Variants in FGFR1 observed in about 807,000 individuals in gnomAD.
The protein encoded by FGFR1 is fibroblast growth factor receptor 1.
A neutral mutation model predicts 93.7 loss-of-function variants in FGFR1; 18 were observed. That is an observed-to-expected ratio of 0.19 (90% CI 0.13 to 0.28). The LOEUF is 0.28. Among genes scored for constraint, FGFR1 ranks in the 10% least tolerant of loss-of-function variants. The pLI, the probability that FGFR1 is intolerant of heterozygous loss-of-function variation, is 1.00. For missense variants in FGFR1, 731 were observed against 1,080.4 expected, an observed-to-expected ratio of 0.68 and a Z score of 4.53; for synonymous variants, 448 against 429.3, an observed-to-expected ratio of 1.04 and a Z score of -0.54.
At position 38,419,746 on chromosome 8, in the gene FGFR1, G is replaced by A. The variant is rs1377647591; in HGVS notation, c.1082-11C>T. On this transcript the variant is annotated splice_polypyrimidine_tract_variant and intron_variant, in intron 8 of 17. Coordinates refer to ENST00000447712, the MANE Select transcript of FGFR1 (RefSeq NM_023110.3). The stretch of plus-strand genomic sequence containing the variant: ...GCCTCTCTTCCAGGGCTGAGTCAGT[G>A]CGAACAGGGTGTTAGCAGGCTTGGA... The A allele has an allele frequency of 1.2e-6, 2 of 1,613,492 alleles. No homozygotes were observed. Among genetic ancestry groups the A allele is most frequent in the Admixed American group, 1.7e-5 (1 of 59,986 alleles).
Position 38,428,392 on chromosome 8 carries a change from G to A in FGFR1, c.402C>T (p.Ser134=), listed in dbSNP as rs1270882684. 20 of 1,614,050 alleles carry A rather than the reference G, an allele frequency of 1.2e-5. No homozygotes were observed. The highest frequency in any genetic ancestry group is 1.7e-5 in the Non-Finnish European group (20 of 1,180,020). The change falls in exon 4 of 18, where the codon TCC becomes TCT. Residue 134 remains serine (S), a synonymous_variant. Transcript: ENST00000447712. ...SSEDDDDDDD[S]SSEEKETDNT... is the part of the protein sequence containing the mutation. ...TATCTGTTTCTTTCTCCTCTGAAGA[G>A]GAGTCATCATCATCATCATCATCCT...
chr8:38,434,562 A>G, intron 2 of FGFR1: 1 of 285,978 alleles, frequency 3.5e-6, no homozygotes, highest in Non-Finnish European at 7.0e-6. Context: ...AGTGATTCTC[A>G]AAGTCTTGGC....
At position 38,424,057 on chromosome 8, in the gene FGFR1, A is replaced by C. The variant is rs1352305022; in HGVS notation, c.936+452T>G. On this transcript the variant is annotated intron_variant, in intron 7 of 17. Transcript: ENST00000447712. This position sits in a 1 kb window ranked among gnomAD's most constrained non-coding sequence, Gnocchi z 4.3. Reference sequence around the variant, plus strand: ...CGTCCTCATATGGCTTAGAATTTATATATGGCATTTGTTTTTCCAACTCTT... The same window carrying C: ...CGTCCTCATATGGCTTAGAATTTATCTATGGCATTTGTTTTTCCAACTCTT... 8 of 286,246 alleles carry C rather than the reference A, an allele frequency of 2.8e-5. No homozygotes were observed. The highest frequency in any genetic ancestry group is 1.4e-4 in the Admixed American group (3 of 22,088). 17.7% of individuals were successfully genotyped at this position (286,246 alleles called of 1,614,324 possible). A position where few individuals can be genotyped will look rare whatever the true frequency, so the allele number is the denominator to read the frequency against.
chr8:38,457,043 T>G (rs186593284), intron 2 of FGFR1, among the ~76,000 whole-genome samples: 27 of 152,332 alleles, frequency 1.8e-4, no homozygotes, highest in Admixed American at 1.8e-3. Flanking sequence ...AGTGTGACAC[T>G]AGGGTCCTCA....
rs540641724 is a variant in FGFR1 at position 38,429,239 on chromosome 8, C to A, written c.358+443G>T. On this transcript the variant is annotated intron_variant, in intron 3 of 17. Coordinates refer to ENST00000447712, the MANE Select transcript of FGFR1 (RefSeq NM_023110.3). The surrounding 1 kb of genome is among the most constrained non-coding windows in gnomAD (Gnocchi z 4.4). ...TGGCTGCCCTCGCACAGCTCCCTTG[C>A]GGTGCACCTGGGTTCCTCTCCAGCA... 4.2e-6 allele frequency: 2 copies of A among 473,784 alleles called. No individual in the cohort carries two copies. Among genetic ancestry groups the A allele is most frequent in the South Asian group, 1.5e-5 (1 of 65,082 alleles). 29.3% of individuals were successfully genotyped at this position (473,784 alleles called of 1,614,324 possible). A position where few individuals can be genotyped will look rare whatever the true frequency, so the allele number is the denominator to read the frequency against.
chr8:38,435,665 A>G (rs1416261964), intron 2 of FGFR1: 1 of 152,220 alleles, frequency 6.6e-6, no homozygotes, highest in Non-Finnish European at 1.5e-5. Context: ...CTCATTAGAA[A>G]GGTCCTTGCC....
intron 2 of FGFR1, among the ~76,000 whole-genome samples, chr8:38,438,996 G>A (rs2151087718): frequency 6.6e-6 from 1 of 152,268 alleles, no homozygotes; most frequent in Non-Finnish European, 1.5e-5. Context: ...CTGTCCAAAT[G>A]TGGCAGGTGA....
chr8:38,414,746 C>T lies in FGFR1; in HGVS notation c.1977+33G>A, dbSNP rs771342533. ...CCCACTCCTTGCTTCTCAGATGAAA[C>T]CACCAGCACAGGGCGGCCTTGTCGG... On this transcript the variant is annotated intron_variant, in intron 14 of 17. Coordinates refer to ENST00000447712, the MANE Select transcript of FGFR1 (RefSeq NM_023110.3). The T allele has an allele frequency of 4.3e-6, 7 of 1,613,804 alleles. No individual in the cohort carries two copies. In the East Asian group the frequency reaches 1.3e-4, roughly 31 times the overall value.
At chr8:38,415,626 G>A (rs1318869055) in intron 13 of FGFR1, among the ~76,000 whole-genome samples, 1 of 152,060 alleles carries the variant, frequency 6.6e-6, no homozygotes, top group Admixed American at 6.6e-5. Context: ...AGCTGCCTGA[G>A]GCTACGCAGA....
chr8:38,423,273 AG>A, intron 7 of FGFR1: 1 of 691,772 alleles, frequency 1.4e-6, no homozygotes, highest in South Asian at 1.5e-5. Context: ...CAGGGAGCGA[AG>A]GGAGATGTTA....
chr8:38,464,555 G>A (rs986387801), intron 1 of FGFR1, among the ~76,000 whole-genome samples: 99 of 152,192 alleles, frequency 6.5e-4, no homozygotes, highest in African/African-American at 2.3e-3. Context: ...GCAACCTTAG[G>A]AGGAAAAACA....
intron 2 of FGFR1, among the ~76,000 whole-genome samples, chr8:38,445,006 C>G (rs1174733312): frequency 1.3e-5 from 2 of 152,128 alleles, no homozygotes; most frequent in Non-Finnish European, 2.9e-5. Flanking sequence ...TGACCTCAGG[C>G]AAGTCACCTC....
intron 9 of FGFR1, 33 bp from the exon 10 acceptor site, chr8:38,418,406 G>T: frequency 6.2e-7 from 1 of 1,607,372 alleles, no homozygotes. Flanking sequence ...CCTAGAGCAA[G>T]GAGGGGGGAC....
At chr8:38,422,475 T>C (rs1357140590) in intron 7 of FGFR1, among the ~76,000 whole-genome samples, 4 of 152,128 alleles carry the variant, frequency 2.6e-5, no homozygotes. Flanking sequence ...GGCATAAACA[T>C]AGCTCACTGC....
chr8:38,421,211 C>T lies in FGFR1; in HGVS notation c.1081+586G>A, dbSNP rs17182373. On this transcript the variant is annotated intron_variant, in intron 8 of 17. Transcript: ENST00000447712. ...ACCTCCCCTCTTGGGAGAGGAGAGA[C>T]GGCAGCAGGCAAACAGGATACATGG... is the stretch of plus-strand genomic sequence containing the variant. Among the ~76,000 whole-genome samples the T allele has an allele frequency of 4.2e-3, 639 of 152,272 alleles. 31 individuals are homozygous for T. In the East Asian group the frequency reaches 0.1, roughly 24 times the overall value.
At chr8:38,428,301 A>G in intron 4 of FGFR1, 45 bp downstream of exon 4, 1 of 1,595,736 alleles carries the variant, frequency 6.3e-7, no homozygotes, top group Non-Finnish European at 8.6e-7. Context: ...TCTTAAACCC[A>G]ATGCCCAGAC....
chr8:38,449,117 C>A (rs1830288950), intron 2 of FGFR1, among the ~76,000 whole-genome samples: 1 of 150,934 alleles, frequency 6.6e-6, no homozygotes, highest in South Asian at 2.1e-4. Flanking sequence ...AAAAAAAAAA[C>A]ACAGAAAAAA....
At chr8:38,460,301 C>T (rs940926296) in intron 1 of FGFR1, among the ~76,000 whole-genome samples, 1 of 152,206 alleles carries the variant, frequency 6.6e-6, no homozygotes, top group Non-Finnish European at 1.5e-5. Context: ...GAGGATGCCC[C>T]TAAACCCATA....
In FGFR1 at chr8:38,426,487, G is replaced by A. The variant is rs971577463; in HGVS notation, c.622-242C>T. Among the ~76,000 whole-genome samples, 1 of 152,188 alleles carries A rather than the reference G, an allele frequency of 6.6e-6. No individual in the cohort carries two copies. The highest frequency in any genetic ancestry group is 2.1e-4 in the South Asian group (1 of 4,834). ...TCCACTGTGACGTTCAAGATCATTC[G>A]TGATCCGGACAGATGTGCCTTCTGC... On this transcript the variant is annotated intron_variant, in intron 5 of 17. Coordinates refer to ENST00000447712, the MANE Select transcript of FGFR1 (RefSeq NM_023110.3). This position sits in a 1 kb window ranked among gnomAD's most constrained non-coding sequence, Gnocchi z 4.1.
Sources: gnomAD v4.1 joint callset for allele counts (sites outside exome capture counted in the v4.1 genomes callset) on GRCh38, gnomAD v4.1.1 for gene constraint, Gnocchi (gnomAD v3.1) non-coding constraint, MANE v1.5 for transcripts, NCBI Gene and HGNC (gene_info 2026-07-23, HGNC 2026-07-21) for gene names.